Variants in TRAPPC8 observed in about 807,000 individuals in gnomAD.
TRAPPC8 encodes general sporulation gene 1 homolog.
TRAPPC8 carries 54 observed loss-of-function variants against 174.3 expected under a neutral mutation model. The observed-to-expected ratio is 0.31, with a 90% CI of 0.25 to 0.39. The LOEUF (loss-of-function observed/expected upper bound fraction) is 0.39, where lower values mean the gene tolerates loss of function less well. Among genes scored for constraint, TRAPPC8 ranks in the 10% least tolerant of loss-of-function variants. TRAPPC8 has a pLI of 1.00. For missense variants in TRAPPC8, 1,531 were observed against 1,699.1 expected (o/e 0.90, Z 1.74); for synonymous variants, 630 against 579.9 (o/e 1.09, Z -1.24).
chr18:31,896,310 G>C (rs2145398618), intron 11 of TRAPPC8: 1 of 152,192 alleles, frequency 6.6e-6, no homozygotes, highest in Non-Finnish European at 1.5e-5. Flanking sequence ...AAAAGAAAGA[G>C]AGAGAAGTAA....
At position 31,874,609 on chromosome 18, in the gene TRAPPC8, C is replaced by G. The variant is rs749815507; in HGVS notation, c.1824G>C (p.Gly608=). ...LAEDHINFTI[G]RQSYTLRQLD... ...GCTGTCTAAGAGTATAGGACTGGCG[C>G]CCAATAGTGAAATTAATGTGATCCT... The change falls in exon 13 of 29, where the codon GGG becomes GGC. Residue 608 remains glycine (G), a synonymous_variant. Transcript: ENST00000283351. 2.5e-5 allele frequency: 41 copies of G among 1,613,920 alleles called. No homozygotes were observed. Among genetic ancestry groups the G allele is most frequent in the Non-Finnish European group, 3.4e-5 (40 of 1,180,004 alleles).
At chr18:31,839,995 C>T (rs561152490) in intron 26 of TRAPPC8, among the ~76,000 whole-genome samples, 3 of 152,210 alleles carry the variant, frequency 2.0e-5, no homozygotes, top group South Asian at 4.1e-4. Flanking sequence ...TTAAAATGCA[C>T]GTAAAAAGTA....
intron 25 of TRAPPC8, 78 bp downstream of exon 25, chr18:31,849,488 A>T: frequency 8.5e-7 from 1 of 1,169,990 alleles, no homozygotes; most frequent in Non-Finnish European, 1.1e-6. Context: ...AAATATAAAT[A>T]GTAATATACG....
chr18:31,925,565 G>A (rs944588865), intron 2 of TRAPPC8, among the ~76,000 whole-genome samples: 1 of 152,144 alleles, frequency 6.6e-6, no homozygotes, highest in Non-Finnish European at 1.5e-5. Context: ...AAAGAACAGA[G>A]AGAACAATAA....
Position 31,829,237 on chromosome 18 carries a change from T to C in TRAPPC8, c.*1518A>G, listed in dbSNP as rs747358018. The C allele has an allele frequency of 3.9e-5, 6 of 152,190 alleles. No homozygotes were observed. Among genetic ancestry groups the C allele is most frequent in the Admixed American group, 6.5e-5 (1 of 15,282 alleles). The allele number at this position is 152,190 out of a possible 1,614,324, so 9.4% of individuals were successfully genotyped here. A position where few individuals can be genotyped will look rare whatever the true frequency, so the allele number is the denominator to read the frequency against. ...TACCTTTATTTTTAATATATTCAGT[T>C]GTAGGTTTATATAGTTTAATTTTTT... On this transcript the variant is annotated 3_prime_UTR_variant, in exon 29 of 29. Transcript: ENST00000283351.
chr18:31,914,371 G>A (rs1456792182), intron 4 of TRAPPC8, among the ~76,000 whole-genome samples: 2 of 152,152 alleles, frequency 1.3e-5, no homozygotes, highest in Non-Finnish European at 2.9e-5. Flanking sequence ...TCCTGCTCAC[G>A]TTACTAATGA....
chr18:31,840,772 C>G (rs1223696582), intron 26 of TRAPPC8, among the ~76,000 whole-genome samples: 1 of 146,644 alleles, frequency 6.8e-6, no homozygotes, highest in Admixed American at 6.7e-5. Context: ...AGTTTGCTGA[C>G]CCCTTATCTA....
intron 11 of TRAPPC8, among the ~76,000 whole-genome samples, chr18:31,896,689 G>C (rs1433030427): frequency 1.3e-5 from 2 of 152,074 alleles, no homozygotes; most frequent in Non-Finnish European, 2.9e-5. Context: ...GCAGTGGTGC[G>C]ATCTCGGCTC....
chr18:31,839,980 A>G (rs2032999463), intron 26 of TRAPPC8, among the ~76,000 whole-genome samples: 1 of 152,216 alleles, frequency 6.6e-6, no homozygotes, highest in Non-Finnish European at 1.5e-5. Flanking sequence ...TACACTAGCT[A>G]AAGGTTAAAA....
At chr18:31,857,503 C>T (rs779880068) in intron 20 of TRAPPC8, 37 bp downstream of exon 20, 8 of 1,495,436 alleles carry the variant, frequency 5.3e-6, no homozygotes, top group South Asian at 1.3e-5. Context: ...ATACATTGAA[C>T]ATAGATGTTA....
chr18:31,853,122 G>A (rs575117469), intron 22 of TRAPPC8, among the ~76,000 whole-genome samples: 1 of 152,166 alleles, frequency 6.6e-6, no homozygotes, highest in Admixed American at 6.5e-5. Context: ...ACATTCTTTT[G>A]TTTGAATGTT....
At position 31,888,218 on chromosome 18, in the gene TRAPPC8, A is replaced by T. The variant is rs115737685; in HGVS notation, c.1728+2517T>A. ...CAAAACCACAATGAGATACCATTTC[A>T]TGGCAGTCAGAATGGTGATTATTAA... On this transcript the variant is annotated intron_variant, in intron 12 of 28. Transcript: ENST00000283351. Among the ~76,000 whole-genome samples, 1,106 of 152,326 alleles carry T rather than the reference A, an allele frequency of 7.3e-3. 15 individuals carry two copies. Among genetic ancestry groups the T allele is most frequent in the African/African-American group, 0.026 (1,061 of 41,582 alleles).
intron 12 of TRAPPC8, among the ~76,000 whole-genome samples, chr18:31,875,749 T>C (rs894691454): frequency 7.9e-5 from 12 of 152,186 alleles, no homozygotes; most frequent in Non-Finnish European, 8.8e-5. Context: ...CTTACAAGTA[T>C]TGCAATAAGA....
chr18:31,926,024 G>GAAA (rs1290015953), intron 2 of TRAPPC8, among the ~76,000 whole-genome samples: 4 of 152,186 alleles, frequency 2.6e-5, no homozygotes, highest in African/African-American at 9.7e-5. Context: ...ACAGAGAAGT[G>GAAA]AAGGGAAGGA....
intron 1 of TRAPPC8, among the ~76,000 whole-genome samples, chr18:31,936,060 A>T (rs867454441): frequency 7.9e-5 from 12 of 151,924 alleles, no homozygotes; most frequent in East Asian, 3.9e-4. Context: ...CTATAAAAAA[A>T]TTTTTTTTAA....
intron 2 of TRAPPC8, among the ~76,000 whole-genome samples, chr18:31,923,905 G>A (rs1352210386): frequency 6.6e-6 from 1 of 152,024 alleles, no homozygotes; most frequent in Non-Finnish European, 1.5e-5. Context: ...CCAGCACTTT[G>A]GGAGGCCAAG....
At chr18:31,861,949 C>T (rs964377422) in intron 19 of TRAPPC8, among the ~76,000 whole-genome samples, 2 of 19,014 alleles carry the variant, frequency 1.1e-4, no homozygotes, top group African/African-American at 2.1e-4. Context: ...GGGGGGGGGG[C>T]GGTGGGGGAG....
intron 1 of TRAPPC8, among the ~76,000 whole-genome samples, chr18:31,933,536 T>C (rs180850249): frequency 2.6e-5 from 4 of 152,262 alleles, no homozygotes; most frequent in South Asian, 4.1e-4. Flanking sequence ...CTGAGCACCA[T>C]GCTCAACAAT....
In TRAPPC8 at chr18:31,885,307, G is replaced by A. The variant is rs562083177; in HGVS notation, c.1728+5428C>T. ...TTTGAATCTCATCATGAAAATAGCAGAGACATGTAACTTGGGACAATCTAC... is the reference window on the plus strand; with the variant it reads ...TTTGAATCTCATCATGAAAATAGCAAAGACATGTAACTTGGGACAATCTAC... On this transcript the variant is annotated intron_variant, in intron 12 of 28. Coordinates refer to ENST00000283351, the MANE Select transcript of TRAPPC8 (RefSeq NM_014939.5). 7.9e-4 allele frequency among the ~76,000 whole-genome samples: 120 copies of A among 152,280 alleles called. 1 individual carries two copies. The highest frequency in any genetic ancestry group is 5.0e-4 in the Non-Finnish European group (34 of 68,016).
Sources: allele counts gnomAD v4.1 joint callset (sites outside exome capture counted in the v4.1 genomes callset), GRCh38; gene constraint gnomAD v4.1.1; transcripts MANE v1.5; gene names NCBI Gene and HGNC (gene_info 2026-07-23, HGNC 2026-07-21).